PKD1L1: variants seen among roughly 807,000 people sequenced by gnomAD.
PKD1L1 encodes polycystin 1 like 1, transient receptor potential channel interacting.
Under a neutral mutation model 323.4 loss-of-function variants are expected in PKD1L1, and 236 were observed. The ratio of observed to expected loss-of-function variants is 0.73; its 90% CI spans 0.66 to 0.81. The LOEUF is 0.81. Ranked by LOEUF, PKD1L1 falls within the 40% of genes least tolerant of loss-of-function variation. PKD1L1 has a pLI of 0.00. For missense variants in PKD1L1, 3,320 were observed against 3,508.0 expected, an observed-to-expected ratio of 0.95 and a Z score of 1.35; for synonymous variants, 1,344 against 1,335.0, an observed-to-expected ratio of 1.01 and a Z score of -0.15.
At chr7:47,894,167 C>T in intron 14 of PKD1L1, 108 bp from the exon 15 acceptor site, 2 of 985,748 alleles carry the variant, frequency 2.0e-6, no homozygotes, top group Non-Finnish European at 2.9e-6. Flanking sequence ...AGTCTCAACG[C>T]ATCCCTGGCT....
intron 8 of PKD1L1, among the ~76,000 whole-genome samples, chr7:47,910,630 G>A (rs997513799): frequency 2.1e-5 from 3 of 145,826 alleles, no homozygotes; most frequent in South Asian, 2.2e-4. Context: ...GAGCCAACGC[G>A]CCCGGCCAGG....
At chr7:47,873,824 C>T in intron 24 of PKD1L1, 75 bp downstream of exon 24, 3 of 1,146,570 alleles carry the variant, frequency 2.6e-6, no homozygotes, top group South Asian at 1.5e-5. Flanking sequence ...CGCTTGTTAA[C>T]AACTTGGGGG....
At chr7:47,862,238 A>G (rs1174980631) in intron 26 of PKD1L1, among the ~76,000 whole-genome samples, 1 of 152,160 alleles carries the variant, frequency 6.6e-6, no homozygotes, top group Non-Finnish European at 1.5e-5. Context: ...ACTACTAGAA[A>G]GCCATCAAGT....
intron 31 of PKD1L1, 45 bp downstream of exon 31, chr7:47,853,082 A>T: frequency 7.6e-7 from 1 of 1,316,090 alleles, no homozygotes; most frequent in Non-Finnish European, 1.1e-6. Context: ...GGGATGTTTT[A>T]ATCATGTAAA....
At chr7:47,871,193 C>A (rs1786274436) in intron 24 of PKD1L1, among the ~76,000 whole-genome samples, 1 of 152,102 alleles carries the variant, frequency 6.6e-6, no homozygotes, top group South Asian at 2.1e-4. Context: ...GGAATTTATT[C>A]CCAGACTGTA....
At position 47,823,929 on chromosome 7, in the gene PKD1L1, C is replaced by T. The variant is rs568728334; in HGVS notation, c.6855-2743G>A. 3.3e-5 allele frequency among the ~76,000 whole-genome samples: 5 copies of T among 152,304 alleles called. No individual in the cohort carries two copies. The East Asian group carries it at 9.7e-4, about 29-fold the overall frequency. ...TGTGGGTGTTGTTACCAGCTCATGGCTTTAGATAGATTTCATGAACTTCAA... is the reference window on the plus strand; with the variant it reads ...TGTGGGTGTTGTTACCAGCTCATGGTTTTAGATAGATTTCATGAACTTCAA... On this transcript the variant is annotated intron_variant, in intron 45 of 56. Transcript: ENST00000289672.
chr7:47,830,371 C>T (rs534478537), intron 42 of PKD1L1, among the ~76,000 whole-genome samples: 1 of 152,344 alleles, frequency 6.6e-6, no homozygotes, highest in Non-Finnish European at 1.5e-5. Flanking sequence ...GAAAACCCAA[C>T]AGGCAGATGA....
chr7:47,830,273 G>A, intron 42 of PKD1L1, 149 bp from the exon 43 acceptor site: 1 of 646,040 alleles, frequency 1.5e-6, no homozygotes, highest in South Asian at 2.0e-5. Flanking sequence ...GCTGGACATG[G>A]GCAGTGTCTT....
intron 12 of PKD1L1, 77 bp from the exon 13 acceptor site, chr7:47,902,588 C>A: frequency 6.7e-7 from 1 of 1,485,728 alleles, no homozygotes; most frequent in Non-Finnish European, 9.2e-7. Flanking sequence ...TTCATACCCA[C>A]TCATATCTGC....
At chr7:47,940,845 C>A (rs1048697325) in intron 2 of PKD1L1, among the ~76,000 whole-genome samples, 3 of 152,168 alleles carry the variant, frequency 2.0e-5, no homozygotes, top group Non-Finnish European at 4.4e-5. Flanking sequence ...GGGCAGTGAG[C>A]GGAGCCAGTG....
chr7:47,788,401 G>C (rs1290673137), intron 56 of PKD1L1, among the ~76,000 whole-genome samples: 2 of 148,890 alleles, frequency 1.3e-5, no homozygotes, highest in Non-Finnish European at 3.0e-5. Flanking sequence ...AGAGATTCTC[G>C]TGCCTCAGCC....
chr7:47,940,057 T>C, intron 3 of PKD1L1, 136 bp downstream of exon 3: 1 of 1,199,432 alleles, frequency 8.3e-7, no homozygotes. Flanking sequence ...TCACACTTGC[T>C]TCATTGGCAC....
At chr7:47,806,979 C>T (rs925364664) in intron 52 of PKD1L1, among the ~76,000 whole-genome samples, 3 of 151,894 alleles carry the variant, frequency 2.0e-5, no homozygotes, top group Admixed American at 6.6e-5. Context: ...AGGATTCTGT[C>T]GGGACACACA....
intron 19 of PKD1L1, among the ~76,000 whole-genome samples, chr7:47,884,278 G>C (rs755165839): frequency 3.3e-5 from 5 of 152,158 alleles, no homozygotes; most frequent in African/African-American, 1.2e-4. Context: ...TCGCTGAGCA[G>C]ATAACTTAGG....
rs1787712198 is a variant in PKD1L1 at position 47,929,194 on chromosome 7, T to C, written c.1060+10A>G. On this transcript the variant is annotated intron_variant, in intron 7 of 56. Coordinates refer to ENST00000289672, the MANE Select transcript of PKD1L1 (RefSeq NM_138295.5). ...TCCCAGGCTCCTGATAAGGACACCA[T>C]GCACCTTACCTTTTGAGTACTGGTG... 1.2e-5 allele frequency: 20 copies of C among 1,612,136 alleles called. No individual in the cohort carries two copies. In the Middle Eastern group the frequency reaches 6.6e-4, roughly 53 times the overall value.
chr7:47,776,195 A>C (rs1314033110), intron 56 of PKD1L1, among the ~76,000 whole-genome samples: 4 of 152,236 alleles, frequency 2.6e-5, no homozygotes, highest in Non-Finnish European at 4.4e-5. Context: ...TTTCTAATAA[A>C]AAACTTCAAT....
chr7:47,905,278 T>C lies in PKD1L1; in HGVS notation c.1570A>G (p.Ile524Val). 2 of 1,614,184 alleles carry C rather than the reference T, an allele frequency of 1.2e-6. No homozygotes were observed. Among genetic ancestry groups the C allele is most frequent in the Non-Finnish European group, 1.7e-6 (2 of 1,180,034 alleles). The part of the protein sequence containing the change: ...NGTVFATDTD[I>V]TFTAVTKETI... The stretch of plus-strand genomic sequence containing the variant: ...TCCTTGGTAACAGCTGTAAATGTAA[T>C]GTCTGTGTCTGTGGCAAACACAGTT... Residue 524 changes from isoleucine (I) to valine (V), a missense_variant, in exon 11 of 57, where the codon ATT becomes GTT. Ile to Val is a conservative substitution (Grantham distance 29). Coordinates refer to ENST00000289672, the MANE Select transcript of PKD1L1 (RefSeq NM_138295.5).
chr7:47,818,170 A>G, intron 46 of PKD1L1: 1 of 1,367,602 alleles, frequency 7.3e-7, no homozygotes. Flanking sequence ...GAGAACACAG[A>G]TGGAGACAGA....
intron 56 of PKD1L1, among the ~76,000 whole-genome samples, chr7:47,788,852 C>T (rs1360168321): frequency 6.6e-6 from 1 of 151,998 alleles, no homozygotes; most frequent in Non-Finnish European, 1.5e-5. Context: ...CCACCTTGGC[C>T]TCCCGAAGTG....
Sources: gnomAD v4.1 joint callset for allele counts (sites outside exome capture counted in the v4.1 genomes callset) on GRCh38, gnomAD v4.1.1 for gene constraint, MANE v1.5 for transcripts, NCBI Gene and HGNC (gene_info 2026-07-23, HGNC 2026-07-21) for gene names.